The following SPAG17 variants were observed in gnomAD, a reference collection of about 807,000 sequenced individuals.
SPAG17 encodes the protein sperm-associated antigen 17.
In SPAG17, 169 loss-of-function variants were observed where a neutral mutation model predicts 273.6. The ratio of observed to expected loss-of-function variants is 0.62; its 90% CI spans 0.55 to 0.70. The LOEUF is 0.70. Ranked by LOEUF, SPAG17 falls within the 30% of genes least tolerant of loss-of-function variation. The probability of loss-of-function intolerance (pLI) is 0.00; values close to 1 mark genes in which losing one functional copy is unlikely to be tolerated. For missense variants in SPAG17, 2,557 were observed against 2,627.8 expected, an observed-to-expected ratio of 0.97 and a Z score of 0.59; for synonymous variants, 825 against 873.2, an observed-to-expected ratio of 0.94 and a Z score of 0.97.
At position 118,116,983 on chromosome 1, in the gene SPAG17, C is replaced by T. The variant is rs139694126; in HGVS notation, c.316-1542G>A. On this transcript the variant is annotated intron_variant, in intron 3 of 48. Coordinates refer to ENST00000336338, the MANE Select transcript of SPAG17 (RefSeq NM_206996.4). ...ACCATTTAATGATGACCAGATCCCACGTGGAAGGGGATCCTAAGGGGATGG... is the reference window on the plus strand; with the variant it reads ...ACCATTTAATGATGACCAGATCCCATGTGGAAGGGGATCCTAAGGGGATGG... Among the ~76,000 whole-genome samples the T allele has an allele frequency of 1.8e-3, 277 of 152,258 alleles. 2 individuals are homozygous for T. The highest frequency in any genetic ancestry group is 6.4e-3 in the African/African-American group (264 of 41,538).
intron 30 of SPAG17, among the ~76,000 whole-genome samples, chr1:118,011,743 AAC>A (rs531897533): frequency 2.0e-5 from 3 of 151,514 alleles, no homozygotes; most frequent in African/African-American, 7.3e-5. Flanking sequence ...ACATAAATAA[AAC>A]ACACACACAC....
intron 27 of SPAG17, 150 bp from the exon 28 acceptor site, chr1:118,023,613 A>T (rs1287404737): frequency 5.6e-6 from 3 of 533,594 alleles, no homozygotes; most frequent in Non-Finnish European, 9.1e-6. Flanking sequence ...CACAAAGTAG[A>T]TTATAGAAAG....
chr1:118,002,177 G>A (rs2101715916), intron 32 of SPAG17, among the ~76,000 whole-genome samples: 1 of 152,284 alleles, frequency 6.6e-6, no homozygotes, highest in South Asian at 2.1e-4. Flanking sequence ...ATTGCACTGT[G>A]GTCTGAGAGA....
intron 27 of SPAG17, among the ~76,000 whole-genome samples, chr1:118,023,951 T>C (rs998071459): frequency 6.6e-6 from 1 of 152,182 alleles, no homozygotes; most frequent in African/African-American, 2.4e-5. Context: ...CCAACAAACA[T>C]GACAAGGACC....
intron 16 of SPAG17, among the ~76,000 whole-genome samples, 195 bp from the exon 17 acceptor site, chr1:118,074,162 C>A (rs1305794608): frequency 6.6e-6 from 1 of 151,770 alleles, no homozygotes; most frequent in Non-Finnish European, 1.5e-5. Flanking sequence ...TTATGGGCAA[C>A]ATAATCTAAA....
chr1:118,166,300 T>G (rs1660167405), intron 1 of SPAG17, among the ~76,000 whole-genome samples: 1 of 152,158 alleles, frequency 6.6e-6, no homozygotes, highest in Non-Finnish European at 1.5e-5. Context: ...CTCAAACATT[T>G]TGAAAGCATT....
intron 3 of SPAG17, among the ~76,000 whole-genome samples, chr1:118,137,662 A>C (rs1045184577): frequency 6.6e-6 from 1 of 152,246 alleles, no homozygotes; most frequent in Non-Finnish European, 1.5e-5. Context: ...ATCATATTTC[A>C]ATTACCTTGC....
chr1:118,077,688 A>T (rs11807107), intron 15 of SPAG17, among the ~76,000 whole-genome samples: 15,105 of 152,120 alleles, frequency 0.099, 2,051 homozygotes, highest in African/African-American at 0.31. Flanking sequence ...AGGTTAATTT[A>T]TTGGCTTAAA....
At chr1:118,113,003 T>C (rs930195142) in intron 4 of SPAG17, among the ~76,000 whole-genome samples, 2 of 152,124 alleles carry the variant, frequency 1.3e-5, no homozygotes, top group Non-Finnish European at 2.9e-5. Context: ...TTAGAACAGG[T>C]ACCTAGCTAT....
At chr1:117,971,100 T>C (rs527464772) in intron 45 of SPAG17, among the ~76,000 whole-genome samples, 9 of 152,094 alleles carry the variant, frequency 5.9e-5, no homozygotes, top group Admixed American at 2.6e-4. Flanking sequence ...TCACAAACAT[T>C]CTTGAAGGAC....
rs765066573 is a variant in SPAG17 at position 117,988,125 on chromosome 1, A to G, written c.5601T>C (p.Asp1867=). ...PKCPPDTFGK[D]FFEKTWRHTA... is the part of the protein sequence containing the mutation. ...CTTACCTCCATGTCTTTTCAAAGAA[A>G]TCTTTACCAAATGTGTCTGGTGGGC... is the stretch of plus-strand genomic sequence containing the variant. The change falls in exon 39 of 49, where the codon GAT becomes GAC. Residue 1867 remains aspartate, a synonymous_variant. Transcript: ENST00000336338. 2 of 1,606,478 alleles carry G rather than the reference A, an allele frequency of 1.2e-6. No homozygotes were observed. The highest frequency in any genetic ancestry group is 1.7e-6 in the Non-Finnish European group (2 of 1,177,686).
At chr1:118,061,093 T>C (rs1226012633) in intron 18 of SPAG17, among the ~76,000 whole-genome samples, 2 of 152,188 alleles carry the variant, frequency 1.3e-5, no homozygotes, top group Non-Finnish European at 2.9e-5. Context: ...AACCCTTATA[T>C]ATGGTTGGTA....
At chr1:118,005,105 C>T (rs2101735244) in intron 32 of SPAG17, among the ~76,000 whole-genome samples, 1 of 152,300 alleles carries the variant, frequency 6.6e-6, no homozygotes, top group African/African-American at 2.4e-5. Context: ...AGGACCATTG[C>T]CACATCATTC....
At chr1:118,062,378 A>AAAAAAAAAG (rs1186426602) in intron 18 of SPAG17, among the ~76,000 whole-genome samples, 2 of 149,530 alleles carry the variant, frequency 1.3e-5, no homozygotes, top group African/African-American at 2.5e-5. Context: ...AAAAAAAAAA[A>AAAAAAAAAG]AAAAAAAAAT....
rs116445379 is a variant in SPAG17, at chr1:117,994,453, G to A, written c.5131C>T (p.Pro1711Ser). ...WQVKKEDTIVPPNLRSRSWET... is the reference protein window; with the variant it reads ...WQVKKEDTIVSPNLRSRSWET... Reference sequence around the variant, plus strand: ...CATGACCTTGACCGGAGATTAGGAGGGACAATTGTATCTTCCTTTTTTACT... The same window carrying A: ...CATGACCTTGACCGGAGATTAGGAGAGACAATTGTATCTTCCTTTTTTACT... The change falls in exon 35 of 49, where the codon CCT becomes TCT. Residue 1711 changes from proline (P) to serine (S), a missense_variant. By Grantham distance (74) the Pro-to-Ser change is moderately conservative (BLOSUM62 -1). Transcript: ENST00000336338. The A allele has an allele frequency of 2.4e-4, 383 of 1,612,832 alleles. 2 individuals carry two copies. In the African/African-American group the frequency reaches 4.8e-3, roughly 20 times the overall value.
chr1:118,152,862 C>G (rs1383578810), intron 1 of SPAG17, among the ~76,000 whole-genome samples: 1 of 152,132 alleles, frequency 6.6e-6, no homozygotes, highest in Non-Finnish European at 1.5e-5. Context: ...CTTCCTCAGT[C>G]AAAGCTGCAA....
intron 15 of SPAG17, among the ~76,000 whole-genome samples, chr1:118,079,913 T>C (rs1185534612): frequency 6.6e-6 from 1 of 152,148 alleles, no homozygotes; most frequent in Non-Finnish European, 1.5e-5. Flanking sequence ...TTGTTTAATG[T>C]TTGACCTAGG....
chr1:118,003,951 T>C (rs182624666), intron 32 of SPAG17, among the ~76,000 whole-genome samples: 4 of 152,344 alleles, frequency 2.6e-5, no homozygotes, highest in Non-Finnish European at 4.4e-5. Context: ...TTTGTCGTTG[T>C]ATCTACCTTT....
chr1:118,066,295 C>A (rs944088318), intron 18 of SPAG17, among the ~76,000 whole-genome samples: 1 of 152,026 alleles, frequency 6.6e-6, no homozygotes, highest in African/African-American at 2.4e-5. Context: ...AAATCACTAA[C>A]CCCTAGGCTC....
Sources: gnomAD v4.1 joint callset for allele counts (sites outside exome capture counted in the v4.1 genomes callset) on GRCh38, gnomAD v4.1.1 for gene constraint, MANE v1.5 for transcripts, NCBI Gene and HGNC (gene_info 2026-07-23, HGNC 2026-07-21) for gene names.